Variants in UNC5D observed in about 807,000 individuals in gnomAD.
UNC5D encodes the protein netrin receptor UNC5D.
A neutral mutation model predicts 105.4 loss-of-function variants in UNC5D; 39 were observed. The observed-to-expected ratio is 0.37, with a 90% confidence interval of 0.29 to 0.48. The LOEUF is 0.48. Among genes scored for constraint, UNC5D ranks in the 20% least tolerant of loss-of-function variants. UNC5D has a pLI of 0.98. For missense variants in UNC5D, 991 were observed against 1,202.4 expected (o/e 0.82, Z 2.60); for synonymous variants, 452 against 450.4 (o/e 1.00, Z -0.04).
intron 4 of UNC5D, among the ~76,000 whole-genome samples, chr8:35,649,861 A>G (rs762922705): frequency 7.2e-4 from 109 of 152,324 alleles, no homozygotes; most frequent in South Asian, 8.3e-4. Context: ...CATAAAGCAG[A>G]AGAGCCTGGA....
intron 1 of UNC5D, among the ~76,000 whole-genome samples, chr8:35,277,411 T>C (rs1805850011): frequency 6.6e-6 from 1 of 152,224 alleles, no homozygotes; most frequent in Non-Finnish European, 1.5e-5. Context: ...TTACATTTCT[T>C]TGATAATTCT....
chr8:35,762,119 C>A (rs2131690358), intron 14 of UNC5D, among the ~76,000 whole-genome samples: 1 of 152,184 alleles, frequency 6.6e-6, no homozygotes, highest in East Asian at 1.9e-4. Context: ...CAATTAGTAC[C>A]AAACCCCTCC....
At chr8:35,268,372 C>T (rs779775707) in intron 1 of UNC5D, among the ~76,000 whole-genome samples, 3 of 152,048 alleles carry the variant, frequency 2.0e-5, no homozygotes, top group Non-Finnish European at 2.9e-5. Context: ...CTTTTGGTCT[C>T]ATAGATTCCT....
At chr8:35,455,406 G>C (rs984909244) in intron 1 of UNC5D, among the ~76,000 whole-genome samples, 1 of 151,650 alleles carries the variant, frequency 6.6e-6, no homozygotes, top group Non-Finnish European at 1.5e-5. Flanking sequence ...AGCCTCCCAA[G>C]TAGCTGGGAT....
intron 1 of UNC5D, among the ~76,000 whole-genome samples, chr8:35,382,233 C>T (rs537454692): frequency 5.3e-5 from 8 of 152,262 alleles, no homozygotes; most frequent in African/African-American, 1.2e-4. Context: ...GGCATCTAGA[C>T]GGCTGGAGTT....
At chr8:35,483,550 A>C (rs1240912704) in intron 1 of UNC5D, among the ~76,000 whole-genome samples, 1 of 152,176 alleles carries the variant, frequency 6.6e-6, no homozygotes, top group Non-Finnish European at 1.5e-5. Flanking sequence ...TTAGCTTGAA[A>C]GGCAAAAACT....
intron 1 of UNC5D, among the ~76,000 whole-genome samples, chr8:35,411,111 A>C (rs2128957713): frequency 6.6e-6 from 1 of 152,146 alleles, no homozygotes; most frequent in Admixed American, 6.6e-5. Context: ...TGAAAACTAG[A>C]TAACAGGATA....
intron 8 of UNC5D, among the ~76,000 whole-genome samples, chr8:35,717,892 G>T (rs1326806772): frequency 1.3e-5 from 2 of 152,118 alleles, no homozygotes; most frequent in Non-Finnish European, 2.9e-5. Context: ...TCACTTTAAG[G>T]CTCCCTTGTC....
chr8:35,792,439 T>A lies in UNC5D; in HGVS notation c.*1876T>A, dbSNP rs955742817. The A allele has an allele frequency of 6.6e-6, 1 of 152,604 alleles. No homozygotes were observed. The highest frequency in any genetic ancestry group is 1.9e-4 in the East Asian group (1 of 5,202). 9.5% of individuals were successfully genotyped at this position (152,604 alleles called of 1,614,324 possible). A position where few individuals can be genotyped will look rare whatever the true frequency, so the allele number is the denominator to read the frequency against. On this transcript the variant is annotated 3_prime_UTR_variant, in exon 17 of 17. Coordinates refer to ENST00000404895, the MANE Select transcript of UNC5D (RefSeq NM_080872.4). ...AGGCTTATGATGTAGGACAAAGAAA[T>A]CATCTTAGAACTGTCAAGCATATTT... is the stretch of plus-strand genomic sequence containing the variant.
intron 12 of UNC5D, 146 bp downstream of exon 12, chr8:35,748,841 T>C: frequency 3.6e-6 from 3 of 828,328 alleles, no homozygotes; most frequent in Non-Finnish European, 5.3e-6. Flanking sequence ...CCTAAACATA[T>C]TGGCTAGTTG....
At position 35,726,411 on chromosome 8, in the gene UNC5D, G is replaced by C; in HGVS notation, c.1563G>C (p.Met521Ile). 1 of 1,614,120 alleles carries C rather than the reference G, an allele frequency of 6.2e-7. No homozygotes were observed. The highest frequency in any genetic ancestry group is 8.5e-7 in the Non-Finnish European group (1 of 1,180,000). Residue 521 changes from methionine (M) to isoleucine (I), a missense_variant, in exon 10 of 17, where the codon ATG becomes ATC. This residue lies in a region of UNC5D where 944 missense variants were observed against 1,131.6 expected (regional missense o/e 0.83). Coordinates refer to ENST00000404895, the MANE Select transcript of UNC5D (RefSeq NM_080872.4). Reference sequence around the variant, plus strand: ...GAAACAACCACAGCTTTAGTACAATGCATCCCAGAAATAAAATGCCCTACA... The same window carrying C: ...GAAACAACCACAGCTTTAGTACAATCCATCCCAGAAATAAAATGCCCTACA... ...PHGNNHSFSTMHPRNKMPYIQ... is the reference protein window; with the variant it reads ...PHGNNHSFSTIHPRNKMPYIQ...
intron 1 of UNC5D, among the ~76,000 whole-genome samples, chr8:35,502,719 C>T (rs1233553785): frequency 2.7e-5 from 4 of 147,438 alleles, no homozygotes; most frequent in African/African-American, 5.1e-5. Context: ...CCACCATGCC[C>T]GGCTAATTTT....
chr8:35,451,542 A>G (rs2128991422), intron 1 of UNC5D, among the ~76,000 whole-genome samples: 1 of 152,290 alleles, frequency 6.6e-6, no homozygotes, highest in African/African-American at 2.4e-5. Flanking sequence ...TGACTTGCCC[A>G]AGGTCACAGA....
At chr8:35,605,431 G>T (rs565291361) in intron 4 of UNC5D, among the ~76,000 whole-genome samples, 2 of 152,202 alleles carry the variant, frequency 1.3e-5, no homozygotes, top group South Asian at 4.1e-4. Context: ...GTACCTGGCC[G>T]TATGAGGTGT....
intron 2 of UNC5D, among the ~76,000 whole-genome samples, chr8:35,555,915 A>G (rs974318793): frequency 2.0e-4 from 31 of 151,462 alleles, no homozygotes; most frequent in African/African-American, 7.5e-4. Context: ...ACACACACAC[A>G]CACACACACA....
chr8:35,637,199 A>G (rs1375771484), intron 4 of UNC5D, among the ~76,000 whole-genome samples: 1 of 152,180 alleles, frequency 6.6e-6, no homozygotes, highest in Non-Finnish European at 1.5e-5. Flanking sequence ...TTGTACTCTG[A>G]GAAATTTACC....
At chr8:35,355,921 A>G (rs929454835) in intron 1 of UNC5D, among the ~76,000 whole-genome samples, 1 of 152,080 alleles carries the variant, frequency 6.6e-6, no homozygotes, top group Non-Finnish European at 1.5e-5. Context: ...CTCACCAGAC[A>G]CTAAACCTGG....
chr8:35,533,763 T>A (rs1367116187), intron 1 of UNC5D, among the ~76,000 whole-genome samples: 1 of 152,196 alleles, frequency 6.6e-6, no homozygotes, highest in African/African-American at 2.4e-5. Flanking sequence ...GCCGTTTTTT[T>A]AGCCGGTCTG....
intron 1 of UNC5D, among the ~76,000 whole-genome samples, chr8:35,461,963 G>A (rs4577954): frequency 0.84 from 128,196 of 152,124 alleles, 54,551 homozygotes; most frequent in Non-Finnish European, 0.91. Context: ...AGGTTCTTCA[G>A]TTCAGGCCTT....
Sources: allele counts gnomAD v4.1 joint callset (sites outside exome capture counted in the v4.1 genomes callset), GRCh38; gene constraint gnomAD v4.1.1; regional missense constraint gnomAD v4.1.1; transcripts MANE v1.5; gene names NCBI Gene and HGNC (gene_info 2026-07-23, HGNC 2026-07-21).